AGO3: variants seen among roughly 807,000 people sequenced by gnomAD.
AGO3 encodes protein argonaute-3.
A neutral mutation model predicts 105.5 loss-of-function variants in AGO3; 16 were observed. The ratio of observed to expected loss-of-function variants is 0.15; its 90% CI spans 0.10 to 0.23. The LOEUF is 0.23. Ranked by LOEUF, AGO3 falls within the 10% of genes least tolerant of loss-of-function variation. The pLI is 1.00. For synonymous variants in AGO3, 340 were observed against 367.3 expected (o/e 0.93, Z 0.85); for missense variants, 534 against 1,088.0 (o/e 0.49, Z 7.16).
intron 17 of AGO3, among the ~76,000 whole-genome samples, chr1:36,050,657 T>C (rs1019272536): frequency 4.6e-5 from 7 of 151,620 alleles, no homozygotes; most frequent in African/African-American, 1.7e-4. Flanking sequence ...CCGGGTGTGG[T>C]GGCGGGCGCC....
At chr1:35,989,799 G>A (rs990230530) in intron 5 of AGO3, among the ~76,000 whole-genome samples, 6 of 151,946 alleles carry the variant, frequency 3.9e-5, no homozygotes, top group South Asian at 4.2e-4. Context: ...CACTTGAGCC[G>A]GGAGGTGGAG....
At position 36,051,865 on chromosome 1, in the gene AGO3, C is replaced by T. The variant is rs77675156; in HGVS notation, c.2275-3081C>T. Among the ~76,000 whole-genome samples the T allele has an allele frequency of 6.8e-3, 1,030 of 152,086 alleles. 8 individuals carry two copies. Among genetic ancestry groups the T allele is most frequent in the African/African-American group, 0.024 (978 of 41,466 alleles). The stretch of plus-strand genomic sequence containing the variant: ...ACATCAATAATCACCAGGGGAATGC[C>T]AATTAAAATCACAATGAGATATCAT... On this transcript the variant is annotated intron_variant, in intron 17 of 18. Transcript: ENST00000373191.
At chr1:36,001,849 C>A (rs2148806387) in intron 5 of AGO3, among the ~76,000 whole-genome samples, 1 of 152,164 alleles carries the variant, frequency 6.6e-6, no homozygotes, top group East Asian at 1.9e-4. Context: ...CGAGGAGGTT[C>A]AGACTGGAGA....
intron 5 of AGO3, among the ~76,000 whole-genome samples, chr1:35,993,737 G>GTTT (rs1647925117): frequency 8.5e-6 from 1 of 117,828 alleles, no homozygotes; most frequent in East Asian, 2.4e-4. Flanking sequence ...ACCACCCCCT[G>GTTT]CTTTTTTTTT....
intron 2 of AGO3, among the ~76,000 whole-genome samples, chr1:35,960,106 T>G (rs1456773182): frequency 6.6e-6 from 1 of 152,152 alleles, no homozygotes; most frequent in African/African-American, 2.4e-5. Context: ...TTTCTCAGGT[T>G]GGTAGTTTCC....
Position 36,065,790 on chromosome 1 carries a change from T to C in AGO3, c.*10045T>C, listed in dbSNP as rs1282103127. The C allele has an allele frequency of 2.0e-5, 3 of 152,296 alleles. No individual in the cohort carries two copies. The East Asian group carries it at 5.8e-4, about 29-fold the overall frequency. The allele number at this position is 152,296 out of a possible 1,614,324, so 9.4% of individuals were successfully genotyped here. ...GAAGTACTTGATGGCTTGTTCATGT[T>C]TAGTTCACCTCTTTAGAAAGAAAGC... On this transcript the variant is annotated 3_prime_UTR_variant, in exon 19 of 19. Transcript: ENST00000373191.
chr1:35,966,737 G>T (rs531012249), intron 2 of AGO3, among the ~76,000 whole-genome samples: 2 of 152,106 alleles, frequency 1.3e-5, no homozygotes, highest in African/African-American at 4.8e-5. Flanking sequence ...TAATATGCTC[G>T]CTTCATTCTT....
chr1:36,058,851 T>G lies in AGO3; in HGVS notation c.*3106T>G, dbSNP rs1642990497. ...AAGATGGATTTTTTTACACTGAAAT[T>G]TTACTGAATATAGTCAGGATCATGG... On this transcript the variant is annotated 3_prime_UTR_variant, in exon 19 of 19. Coordinates refer to ENST00000373191, the MANE Select transcript of AGO3 (RefSeq NM_024852.4). 1 of 152,088 alleles carries G rather than the reference T, an allele frequency of 6.6e-6. No individual in the cohort carries two copies. The highest frequency in any genetic ancestry group is 2.4e-5 in the African/African-American group (1 of 41,406). The allele number at this position is 152,088 out of a possible 1,614,324, so 9.4% of individuals were successfully genotyped here. A position where few individuals can be genotyped will look rare whatever the true frequency, so the allele number is the denominator to read the frequency against.
In AGO3 at chr1:36,032,213, A is replaced by G. The variant is rs372835115; in HGVS notation, c.1592-1961A>G. Reference sequence around the variant, plus strand: ...CCAGTTTCTCCACATCCTTGCCCCAATGTTTGTTATTCTCTGGCTTTTTGA... The same window carrying G: ...CCAGTTTCTCCACATCCTTGCCCCAGTGTTTGTTATTCTCTGGCTTTTTGA... On this transcript the variant is annotated intron_variant, in intron 12 of 18. Transcript: ENST00000373191. Among the ~76,000 whole-genome samples the G allele has an allele frequency of 9.2e-5, 14 of 152,102 alleles. 1 individual carries two copies. In the South Asian group the frequency reaches 1.5e-3, roughly 16 times the overall value.
At position 35,943,831 on chromosome 1, in the gene AGO3, G is replaced by A. The variant is rs528054222; in HGVS notation, c.20-1861G>A. Among the ~76,000 whole-genome samples the A allele has an allele frequency of 2.5e-4, 38 of 149,898 alleles. No individual in the cohort carries two copies. In the South Asian group the frequency reaches 7.6e-3, roughly 30 times the overall value. ...GCCCAGGCTGGTCTTAAACTCCTGA[G>A]CCCAAGCAGTCTGCCCACCTCGGCC... On this transcript the variant is annotated intron_variant, in intron 1 of 18. Coordinates refer to ENST00000373191, the MANE Select transcript of AGO3 (RefSeq NM_024852.4).
At chr1:35,949,029 C>T (rs1646420839) in intron 2 of AGO3, among the ~76,000 whole-genome samples, 1 of 152,006 alleles carries the variant, frequency 6.6e-6, no homozygotes, top group Non-Finnish European at 1.5e-5. Context: ...TTGCAGCCTC[C>T]ATCTCCTGGG....
intron 6 of AGO3, among the ~76,000 whole-genome samples, chr1:36,007,478 C>T (rs1283897056): frequency 6.6e-6 from 1 of 152,152 alleles, no homozygotes; most frequent in Non-Finnish European, 1.5e-5. Flanking sequence ...GGGTGGTTCA[C>T]CTGAGGTCTG....
At chr1:35,966,348 A>G (rs1335251375) in intron 2 of AGO3, among the ~76,000 whole-genome samples, 1 of 152,154 alleles carries the variant, frequency 6.6e-6, no homozygotes, top group Non-Finnish European at 1.5e-5. Context: ...TATTTCCTAT[A>G]TAGTCTGTAA....
chr1:36,045,563 C>G (rs543765448), intron 17 of AGO3, among the ~76,000 whole-genome samples: 1 of 150,494 alleles, frequency 6.6e-6, no homozygotes, highest in South Asian at 2.1e-4. Context: ...GTCGCCCACG[C>G]TAGAGTGTAA....
chr1:35,994,395 A>G (rs1648065758), intron 5 of AGO3, among the ~76,000 whole-genome samples: 1 of 152,172 alleles, frequency 6.6e-6, no homozygotes, highest in African/African-American at 2.4e-5. Context: ...TTCTTCAGCT[A>G]ATTAAAAACA....
chr1:35,995,210 ATAT>A (rs1418297174), intron 5 of AGO3, among the ~76,000 whole-genome samples: 6,715 of 93,694 alleles, frequency 0.072, 635 homozygotes, highest in African/African-American at 0.24. Context: ...AAAAAAAAAA[ATAT>A]ATATATATAT....
At chr1:35,977,617 T>G (rs1224826505) in intron 5 of AGO3, among the ~76,000 whole-genome samples, 1 of 152,106 alleles carries the variant, frequency 6.6e-6, no homozygotes, top group Non-Finnish European at 1.5e-5. Flanking sequence ...GGTCTCAAAC[T>G]CCTGGTCTCA....
rs1642881647 is a variant in AGO3 at position 36,055,362 on chromosome 1, G to A, written c.2474+217G>A. ...TGTTTTACTACATTAATTCAAAGGA[G>A]AGATTATTGGTAATAAAGTGATACA... On this transcript the variant is annotated intron_variant, in intron 18 of 18. Transcript: ENST00000373191. This position sits in a 1 kb window ranked among gnomAD's most constrained non-coding sequence, Gnocchi z 4.4. 2 of 613,530 alleles carry A rather than the reference G, an allele frequency of 3.3e-6. No homozygotes were observed. The highest frequency in any genetic ancestry group is 1.8e-5 in the African/African-American group (1 of 54,074). 38.0% of individuals were successfully genotyped at this position (613,530 alleles called of 1,614,324 possible).
intron 17 of AGO3, among the ~76,000 whole-genome samples, chr1:36,048,846 C>T (rs1203625629): frequency 6.6e-6 from 1 of 152,074 alleles, no homozygotes; most frequent in African/African-American, 2.4e-5. Flanking sequence ...TGCATCACCA[C>T]ACAAGGCATG....
Sources: gnomAD v4.1 joint callset for allele counts (sites outside exome capture counted in the v4.1 genomes callset) on GRCh38, gnomAD v4.1.1 for gene constraint, Gnocchi (gnomAD v3.1) non-coding constraint, MANE v1.5 for transcripts, NCBI Gene and HGNC (gene_info 2026-07-23, HGNC 2026-07-21) for gene names.